NRXN1: variants seen among roughly 807,000 people sequenced by gnomAD.
NRXN1 encodes neurexin-1.
Under a neutral mutation model 150.9 loss-of-function variants are expected in NRXN1, and 39 were observed. The ratio of observed to expected loss-of-function variants is 0.26; its 90% CI spans 0.20 to 0.34. The LOEUF is 0.34. Ranked by LOEUF, NRXN1 falls within the 10% of genes least tolerant of loss-of-function variation. The pLI, the probability that NRXN1 is intolerant of heterozygous loss-of-function variation, is 1.00. For synonymous variants in NRXN1, 924 were observed against 757.0 expected, an observed-to-expected ratio of 1.22 and a Z score of -3.62; for missense variants, 1,815 against 1,949.9, an observed-to-expected ratio of 0.93 and a Z score of 1.30.
chr2:50,953,452 A>C (rs148511536), intron 2 of NRXN1, among the ~76,000 whole-genome samples: 1 of 152,350 alleles, frequency 6.6e-6, no homozygotes, highest in Non-Finnish European at 1.5e-5. Context: ...ATCAGGACAT[A>C]TCAAACACAT....
chr2:50,833,628 T>A (rs1387822790), intron 5 of NRXN1, among the ~76,000 whole-genome samples: 1 of 152,122 alleles, frequency 6.6e-6, no homozygotes, highest in Non-Finnish European at 1.5e-5. Context: ...GGTCAGTGGA[T>A]GCCATGGGTA....
chr2:50,287,456 T>A (rs949602795), intron 17 of NRXN1, among the ~76,000 whole-genome samples: 2 of 152,154 alleles, frequency 1.3e-5, no homozygotes, highest in Admixed American at 6.6e-5. Context: ...ATGCTTTTGT[T>A]TTTTAGATAT....
intron 17 of NRXN1, among the ~76,000 whole-genome samples, chr2:50,262,090 G>A (rs1017989008): frequency 9.9e-5 from 15 of 151,952 alleles, no homozygotes; most frequent in Non-Finnish European, 1.6e-4. Flanking sequence ...ATTTATCAGT[G>A]AGGCAATTCA....
chr2:50,662,431 T>C (rs1294178203), intron 5 of NRXN1, among the ~76,000 whole-genome samples: 2 of 152,058 alleles, frequency 1.3e-5, no homozygotes, highest in African/African-American at 4.8e-5. Flanking sequence ...AAACAATTCC[T>C]ACAAAACCTA....
At chr2:50,989,707 G>GA (rs1237303155) in intron 2 of NRXN1, among the ~76,000 whole-genome samples, 11 of 151,856 alleles carry the variant, frequency 7.2e-5, no homozygotes, top group Non-Finnish European at 1.0e-4. Context: ...CAATTGATGG[G>GA]AATTTGGGTG....
chr2:49,924,147 A>AT (rs1243482091), intron 22 of NRXN1, among the ~76,000 whole-genome samples: 6 of 152,198 alleles, frequency 3.9e-5, no homozygotes, highest in Non-Finnish European at 7.4e-5. Context: ...GAAAACTTTC[A>AT]TTTTACAGAG....
chr2:50,623,083 C>G (rs151081617), intron 6 of NRXN1, among the ~76,000 whole-genome samples: 5 of 152,230 alleles, frequency 3.3e-5, no homozygotes, highest in African/African-American at 9.6e-5. Flanking sequence ...CCTTGCAGCC[C>G]TTTTGGAAAT....
At chr2:51,010,862 G>A (rs762316889) in intron 2 of NRXN1, among the ~76,000 whole-genome samples, 25 of 151,134 alleles carry the variant, frequency 1.7e-4, no homozygotes, top group Non-Finnish European at 3.2e-4. Context: ...ACAGTTCACT[G>A]CAACCTCTAA....
At chr2:50,616,424 C>A (rs569190322) in intron 8 of NRXN1, 1 of 152,180 alleles carries the variant, frequency 6.6e-6, no homozygotes, top group African/African-American at 2.4e-5. Context: ...TAGGGAAAGA[C>A]CTAAGTTGCT....
At chr2:50,868,479 A>G (rs1350827487) in intron 5 of NRXN1, among the ~76,000 whole-genome samples, 4 of 151,566 alleles carry the variant, frequency 2.6e-5, no homozygotes, top group African/African-American at 9.7e-5. Context: ...GGTGATGGTT[A>G]TACTAAAAGC....
intron 18 of NRXN1, among the ~76,000 whole-genome samples, chr2:50,219,956 A>T (rs1470645204): frequency 1.2e-5 from 1 of 82,524 alleles, no homozygotes. Context: ...TATATATAAT[A>T]TATATATTAT....
chr2:50,798,289 G>T (rs991664403), intron 5 of NRXN1, among the ~76,000 whole-genome samples: 1 of 152,016 alleles, frequency 6.6e-6, no homozygotes, highest in Non-Finnish European at 1.5e-5. Flanking sequence ...TCAAAAAGCA[G>T]AATTTGTTTA....
chr2:50,767,764 T>C (rs1465216618), intron 5 of NRXN1, among the ~76,000 whole-genome samples: 1 of 152,116 alleles, frequency 6.6e-6, no homozygotes, highest in Non-Finnish European at 1.5e-5. Context: ...ATGTTACCAA[T>C]GCATTTTAAT....
At chr2:50,243,377 C>A (rs927702775) in intron 17 of NRXN1, among the ~76,000 whole-genome samples, 1 of 151,678 alleles carries the variant, frequency 6.6e-6, no homozygotes. Flanking sequence ...ATTGTATGTT[C>A]TGTCAAAACT....
chr2:50,399,433 C>A (rs369779906), intron 17 of NRXN1, among the ~76,000 whole-genome samples: 1 of 151,982 alleles, frequency 6.6e-6, no homozygotes, highest in African/African-American at 2.4e-5. Context: ...TTTTTCTTCT[C>A]GGTTTTTCCC....
intron 21 of NRXN1, among the ~76,000 whole-genome samples, chr2:49,982,373 C>CT (rs1218034601): frequency 1.3e-5 from 2 of 151,818 alleles, no homozygotes; most frequent in Non-Finnish European, 2.9e-5. Flanking sequence ...ACTTCTTTAT[C>CT]TTTTCAGCTG....
intron 17 of NRXN1, among the ~76,000 whole-genome samples, chr2:50,376,933 T>C (rs889901727): frequency 1.3e-5 from 2 of 149,556 alleles, no homozygotes; most frequent in African/African-American, 2.5e-5. Context: ...TCCCAAATTC[T>C]TTTTCTTTCT....
intron 5 of NRXN1, among the ~76,000 whole-genome samples, chr2:50,662,716 A>G (rs1687473364): frequency 6.6e-6 from 1 of 152,000 alleles, no homozygotes; most frequent in African/African-American, 2.4e-5. Flanking sequence ...TAGGGCATCA[A>G]GTAGTAAATC....
chr2:50,017,362 C>G (rs149383794), intron 21 of NRXN1, among the ~76,000 whole-genome samples: 1 of 152,096 alleles, frequency 6.6e-6, no homozygotes. Context: ...CCATAAACTG[C>G]CCCCTTGTCT....
Sources: gnomAD v4.1 joint callset for allele counts (sites outside exome capture counted in the v4.1 genomes callset) on GRCh38, gnomAD v4.1.1 for gene constraint, MANE v1.5 for transcripts, NCBI Gene and HGNC (gene_info 2026-07-23, HGNC 2026-07-21) for gene names.